TSPAN15: variants seen among roughly 807,000 people sequenced by gnomAD.
TSPAN15 encodes tetraspanin-15.
A neutral mutation model predicts 34.5 loss-of-function variants in TSPAN15; 20 were observed. The ratio of observed to expected loss-of-function variants is 0.58; its 90% CI spans 0.41 to 0.84. TSPAN15 has a LOEUF of 0.84. Among genes scored for constraint, TSPAN15 ranks in the 40% least tolerant of loss-of-function variants. TSPAN15 has a pLI of 0.00. For missense variants in TSPAN15, 313 were observed against 386.1 expected, an observed-to-expected ratio of 0.81 and a Z score of 1.59; for synonymous variants, 155 against 153.9, an observed-to-expected ratio of 1.01 and a Z score of -0.05.
At chr10:69,491,744 G>C (rs1242659854) in intron 3 of TSPAN15, among the ~76,000 whole-genome samples, 1 of 152,200 alleles carries the variant, frequency 6.6e-6, no homozygotes, top group Non-Finnish European at 1.5e-5. Flanking sequence ...TTACATGGAA[G>C]TGGTGTTAGC....
chr10:69,506,758 G>C lies in TSPAN15; in HGVS notation c.736-71G>C, dbSNP rs1258036308. 2 of 1,493,320 alleles carry C rather than the reference G, an allele frequency of 1.3e-6. No individual in the cohort carries two copies. The highest frequency in any genetic ancestry group is 1.8e-6 in the Non-Finnish European group (2 of 1,099,388). 92.5% of individuals were successfully genotyped at this position (1,493,320 alleles called of 1,614,324 possible). A position where few individuals can be genotyped will look rare whatever the true frequency, so the allele number is the denominator to read the frequency against. On this transcript the variant is annotated intron_variant, in intron 7 of 7. Coordinates refer to ENST00000373290, the MANE Select transcript of TSPAN15 (RefSeq NM_012339.5). The surrounding 1 kb of genome is among the most constrained non-coding windows in gnomAD (Gnocchi z 4.7). ...TGGGACTGGCTGCTTGGGTTTCTGG[G>C]AGCCGGGAGCTGCAGGGAGGGCTGC...
intron 1 of TSPAN15, among the ~76,000 whole-genome samples, chr10:69,469,718 T>A (rs1407099917): frequency 6.6e-6 from 1 of 152,182 alleles, no homozygotes; most frequent in Non-Finnish European, 1.5e-5. Context: ...AATTTTTGCA[T>A]TTTTTTGTAG....
the TSPAN15 span, among the ~76,000 whole-genome samples, chr10:69,527,964 A>G: frequency 6.8e-6 from 1 of 147,706 alleles, no homozygotes; most frequent in African/African-American, 2.5e-5. Context: ...GTGTTGGGGG[A>G]TCTTTGGGGT....
At chr10:69,531,650 G>A in the TSPAN15 span, among the ~76,000 whole-genome samples, 3 of 151,970 alleles carry the variant, frequency 2.0e-5, no homozygotes, top group East Asian at 5.8e-4. Flanking sequence ...AGAGAATAAG[G>A]GGGAGAATAA....
the TSPAN15 span, among the ~76,000 whole-genome samples, chr10:69,522,301 G>T: frequency 3.6e-4 from 50 of 139,708 alleles, 5 homozygotes; most frequent in Non-Finnish European, 4.0e-4. Context: ...GGTCAAGGCT[G>T]CAGTGAGCAG....
intron 3 of TSPAN15, among the ~76,000 whole-genome samples, chr10:69,485,620 T>G (rs1337841202): frequency 6.6e-6 from 1 of 151,296 alleles, no homozygotes; most frequent in Non-Finnish European, 1.5e-5. Flanking sequence ...AGGCCATGAG[T>G]TGGGAGCTTG....
rs921708087 is a variant in TSPAN15 at position 69,498,197 on chromosome 10, G to A, written c.454-83G>A. 1.5e-5 allele frequency: 19 copies of A among 1,262,628 alleles called. No homozygotes were observed. In the African/African-American group the frequency reaches 1.9e-4, roughly 13 times the overall value. 78.2% of individuals were successfully genotyped at this position (1,262,628 alleles called of 1,614,324 possible). A position where few individuals can be genotyped will look rare whatever the true frequency, so the allele number is the denominator to read the frequency against. ...GTGACCCACATAATAAACTGCCTCC[G>A]TCTCCTGACAGGGCCCCTTCCTGTC... is the stretch of plus-strand genomic sequence containing the variant. On this transcript the variant is annotated intron_variant, in intron 4 of 7. Transcript: ENST00000373290.
intron 1 of TSPAN15, among the ~76,000 whole-genome samples, chr10:69,469,697 C>T (rs1302127437): frequency 6.6e-6 from 1 of 152,158 alleles, no homozygotes; most frequent in Admixed American, 6.5e-5. Context: ...TGGACACCAC[C>T]ACGTCCAGCT....
the TSPAN15 span, among the ~76,000 whole-genome samples, chr10:69,534,854 C>T: frequency 6.8e-6 from 1 of 148,066 alleles, no homozygotes; most frequent in Non-Finnish European, 1.5e-5. Flanking sequence ...TATGGTGGTG[C>T]ACACCTGTGG....
the TSPAN15 span, among the ~76,000 whole-genome samples, chr10:69,549,292 C>A: frequency 6.6e-6 from 1 of 152,158 alleles, no homozygotes; most frequent in African/African-American, 2.4e-5. Flanking sequence ...GTCAAAACAA[C>A]CTTGATAATA....
At chr10:69,539,123 G>T in the TSPAN15 span, among the ~76,000 whole-genome samples, 1 of 152,242 alleles carries the variant, frequency 6.6e-6, no homozygotes, top group African/African-American at 2.4e-5. Context: ...AACCAGGCCT[G>T]GGGGCTTGAA....
At chr10:69,464,887 C>T (rs1841349971) in intron 1 of TSPAN15, among the ~76,000 whole-genome samples, 2 of 152,186 alleles carry the variant, frequency 1.3e-5, no homozygotes, top group Non-Finnish European at 2.9e-5. Flanking sequence ...TCCTCTCCAG[C>T]CAGGGTGTGG....
At chr10:69,452,855 CT>C (rs1228106752) in intron 1 of TSPAN15, among the ~76,000 whole-genome samples, 1 of 152,248 alleles carries the variant, frequency 6.6e-6, no homozygotes, top group African/African-American at 2.4e-5. Context: ...ACACTCTCCC[CT>C]GGTGTCCTCC....
intron 5 of TSPAN15, among the ~76,000 whole-genome samples, chr10:69,499,766 A>T (rs553434260): frequency 6.6e-6 from 1 of 152,330 alleles, no homozygotes; most frequent in East Asian, 1.9e-4. Context: ...GAAAGGCGGG[A>T]TCTGGGTGAA....
intron 1 of TSPAN15, among the ~76,000 whole-genome samples, chr10:69,462,758 T>C (rs1434972911): frequency 2.0e-5 from 3 of 152,264 alleles, no homozygotes; most frequent in Non-Finnish European, 2.9e-5. Flanking sequence ...CACCTGTCTC[T>C]GCAGGTGAAT....
Position 69,507,665 on chromosome 10 carries a change from T to TG in TSPAN15, c.*687_*688insG, listed in dbSNP as rs936449348. Reference sequence around the variant, plus strand: ...AATAAAAACATGTTTTTTTTTTTTTTTTTTTTTTGCCTTTCCTGTGTGCTG... The same window carrying TG: ...AATAAAAACATGTTTTTTTTTTTTTTGTTTTTTTTGCCTTTCCTGTGTGCTG... On this transcript the variant is annotated 3_prime_UTR_variant, in exon 8 of 8. Coordinates refer to ENST00000373290, the MANE Select transcript of TSPAN15 (RefSeq NM_012339.5). The TG allele has an allele frequency of 7.9e-7, 1 of 1,271,988 alleles. No homozygotes were observed. The highest frequency in any genetic ancestry group is 1.6e-5 in the African/African-American group (1 of 63,826). The allele number at this position is 1,271,988 out of a possible 1,614,324, so 78.8% of individuals were successfully genotyped here.
chr10:69,492,409 G>A (rs532580215), intron 3 of TSPAN15, among the ~76,000 whole-genome samples: 10 of 152,178 alleles, frequency 6.6e-5, no homozygotes, highest in Non-Finnish European at 1.2e-4. Flanking sequence ...TCGTCTCCCC[G>A]GTACACATAC....
the TSPAN15 span, among the ~76,000 whole-genome samples, chr10:69,532,099 T>C: frequency 6.6e-6 from 1 of 152,060 alleles, no homozygotes; most frequent in Non-Finnish European, 1.5e-5. Context: ...ATTGTGAAAA[T>C]GACCATACTG....
intron 4 of TSPAN15, among the ~76,000 whole-genome samples, chr10:69,497,474 T>C (rs1842111747): frequency 6.6e-6 from 1 of 152,198 alleles, no homozygotes; most frequent in Non-Finnish European, 1.5e-5. Context: ...CTTCTTTCTG[T>C]TTCCATGTTT....
Sources: gnomAD v4.1 joint callset for allele counts (sites outside exome capture counted in the v4.1 genomes callset) on GRCh38, gnomAD v4.1.1 for gene constraint, Gnocchi (gnomAD v3.1) non-coding constraint, MANE v1.5 for transcripts, NCBI Gene and HGNC (gene_info 2026-07-23, HGNC 2026-07-21) for gene names.